Variants in KCNJ12 observed in about 807,000 individuals in gnomAD.
KCNJ12 encodes the protein ATP-sensitive inward rectifier potassium channel 12.
Under a neutral mutation model 22.3 loss-of-function variants are expected in KCNJ12, and 2 were observed. That is an observed-to-expected ratio of 0.09 (90% confidence interval 0.04 to 0.28). The LOEUF (loss-of-function observed/expected upper bound fraction) is 0.28. KCNJ12 is among the 10% of genes least tolerant of loss of function. The pLI is 1.00. For missense variants in KCNJ12, 155 were observed against 633.3 expected, an observed-to-expected ratio of 0.24 and a Z score of 8.11; for synonymous variants, 117 against 261.4, an observed-to-expected ratio of 0.45 and a Z score of 5.33.
rs1597547725 is a variant in KCNJ12 at position 21,376,814 on chromosome 17, A to T, written c.-278A>T. The T allele has an allele frequency of 6.6e-6, 1 of 151,278 alleles. No individual in the cohort carries two copies. The highest frequency in any genetic ancestry group is 2.0e-4 in the East Asian group (1 of 5,110). The allele number at this position is 151,278 out of a possible 1,614,324, so 9.4% of individuals were successfully genotyped here. ...GGAGCTGCCCTGAGGCGGTGGCGGC[A>T]GCGGCGGCGATGCAGCCAGCGCGGC... On this transcript the variant is annotated 5_prime_UTR_variant, in exon 1 of 3. Transcript: ENST00000583088. The surrounding 1 kb of genome is among the most constrained non-coding windows in gnomAD (Gnocchi z 5.3).
intron 1 of KCNJ12, among the ~76,000 whole-genome samples, chr17:21,406,825 C>G (rs1284933179): frequency 1.3e-5 from 2 of 152,310 alleles, no homozygotes; most frequent in African/African-American, 4.8e-5. Flanking sequence ...AAAGGGCAGG[C>G]CCCATGAACT....
Position 21,418,506 on chromosome 17 carries a change from CCTT to C in KCNJ12, c.*1863_*1865del, listed in dbSNP as rs1416541264. ...GCCTCTTCCCTCCACCTCCTCCCCT[CCTT>C]AGCAGCTGAAGACTCAGCCCTGAGG... On this transcript the variant is annotated 3_prime_UTR_variant, in exon 3 of 3. Coordinates refer to ENST00000583088, the MANE Select transcript of KCNJ12 (RefSeq NM_021012.5). 6.0e-6 allele frequency: 1 copy of C among 167,236 alleles called. No homozygotes were observed. The highest frequency in any genetic ancestry group is 1.9e-4 in the East Asian group (1 of 5,204). The allele number at this position is 167,236 out of a possible 1,614,324, so 10.4% of individuals were successfully genotyped here. A position where few individuals can be genotyped will look rare whatever the true frequency, so the allele number is the denominator to read the frequency against.
At chr17:21,399,198 G>A (rs1391706047) in intron 1 of KCNJ12, among the ~76,000 whole-genome samples, 1 of 152,214 alleles carries the variant, frequency 6.6e-6, no homozygotes, top group African/African-American at 2.4e-5. Context: ...CCCAGCGACT[G>A]TGTGCATGCG....
intron 1 of KCNJ12, among the ~76,000 whole-genome samples, chr17:21,381,785 A>G (rs974438377): frequency 8.5e-5 from 13 of 152,134 alleles, no homozygotes; most frequent in African/African-American, 1.9e-4. Flanking sequence ...TTTACTGTCT[A>G]TCTTTCCCTT....
chr17:21,403,020 A>G (rs1444926443), intron 1 of KCNJ12, among the ~76,000 whole-genome samples: 1 of 152,312 alleles, frequency 6.6e-6, no homozygotes, highest in East Asian at 1.9e-4. Context: ...TGCAGTGAGC[A>G]GAAGCCAAGT....
intron 1 of KCNJ12, among the ~76,000 whole-genome samples, chr17:21,396,986 A>G (rs1280409215): frequency 6.6e-6 from 1 of 152,192 alleles, no homozygotes; most frequent in African/African-American, 2.4e-5. Context: ...CCTGGCCTCC[A>G]TTCCTAGCTG....
intron 1 of KCNJ12, among the ~76,000 whole-genome samples, chr17:21,395,849 G>A (rs1232002799): frequency 6.6e-6 from 1 of 152,190 alleles, no homozygotes; most frequent in Non-Finnish European, 1.5e-5. Flanking sequence ...GAGGGGAAGA[G>A]TATTTGGGGT....
intron 1 of KCNJ12, among the ~76,000 whole-genome samples, chr17:21,379,273 C>T (rs1296019900): frequency 5.3e-5 from 8 of 152,206 alleles, no homozygotes; most frequent in Non-Finnish European, 7.3e-5. Flanking sequence ...GCGTGGCACC[C>T]GGAGGCCTTG....
intron 1 of KCNJ12, among the ~76,000 whole-genome samples, chr17:21,404,821 T>C (rs1555560877): frequency 6.6e-6 from 1 of 152,232 alleles, no homozygotes; most frequent in African/African-American, 2.4e-5. Flanking sequence ...TCAGAAACAT[T>C]CCCTGGTGTT....
chr17:21,383,147 G>C (rs1404722973), intron 1 of KCNJ12, among the ~76,000 whole-genome samples: 2 of 152,250 alleles, frequency 1.3e-5, no homozygotes, highest in Non-Finnish European at 2.9e-5. Context: ...GGGCAGGAGA[G>C]GTCAAGGGGG....
chr17:21,396,288 G>C (rs1298461094), intron 1 of KCNJ12, among the ~76,000 whole-genome samples: 1 of 152,216 alleles, frequency 6.6e-6, no homozygotes, highest in Non-Finnish European at 1.5e-5. Context: ...CTGAGGCTCA[G>C]AGAAGGGCAG....
At chr17:21,413,827 G>C (rs1906521352) in intron 2 of KCNJ12, among the ~76,000 whole-genome samples, 1 of 152,304 alleles carries the variant, frequency 6.6e-6, no homozygotes, top group African/African-American at 2.4e-5. Flanking sequence ...TGTGCAGTAG[G>C]CTGGCCTGGA....
rs148973220 is a variant in KCNJ12, at chr17:21,383,348, G to A, written c.-179+6435G>A. On this transcript the variant is annotated intron_variant, in intron 1 of 2. Coordinates refer to ENST00000583088, the MANE Select transcript of KCNJ12 (RefSeq NM_021012.5). ...CAACCCCGCCCCGACCCTCTGCCTC[G>A]GGGCTCCTGGTTCCGGGCCAAGCCA... Among the ~76,000 whole-genome samples, 113 of 152,202 alleles carry A rather than the reference G, an allele frequency of 7.4e-4. No homozygotes were observed. The East Asian group carries it at 0.013, about 18-fold the overall frequency.
chr17:21,416,746 TTGC>T lies in KCNJ12; in HGVS notation c.*103_*105del, dbSNP rs1906857013. On this transcript the variant is annotated 3_prime_UTR_variant, in exon 3 of 3. Coordinates refer to ENST00000583088, the MANE Select transcript of KCNJ12 (RefSeq NM_021012.5). ...AGCAGAACGGGCCCAGTGCCCTGGG[TTGC>T]AGACTCAGTAGCGTTTTAGTCGTTT... The T allele has an allele frequency of 6.9e-7, 1 of 1,448,374 alleles. No individual in the cohort carries two copies. The highest frequency in any genetic ancestry group is 1.4e-5 in the African/African-American group (1 of 69,588). The allele number at this position is 1,448,374 out of a possible 1,614,324, so 89.7% of individuals were successfully genotyped here. A position where few individuals can be genotyped will look rare whatever the true frequency, so the allele number is the denominator to read the frequency against.
In KCNJ12 at chr17:21,384,524, G is replaced by A. The variant is rs1253574076; in HGVS notation, c.-179+7611G>A. On this transcript the variant is annotated intron_variant, in intron 1 of 2. Coordinates refer to ENST00000583088, the MANE Select transcript of KCNJ12 (RefSeq NM_021012.5). ...AGAGGGTCTGGGGGGCTTCAGAGTC[G>A]CAGCCTGGGGCTTTGGGACCTCTGG... Among the ~76,000 whole-genome samples, 4 of 152,272 alleles carry A rather than the reference G, an allele frequency of 2.6e-5. No individual in the cohort carries two copies. The South Asian group carries it at 8.3e-4, about 32-fold the overall frequency.
Position 21,394,082 on chromosome 17 carries a change from C to T in KCNJ12, c.-178-14437C>T, listed in dbSNP as rs934850635. ...GGCTACCTCCCTTGGCCTCAGTGTACTCATCTGTAAAATTATAATATCTAT... is the reference window on the plus strand; with the variant it reads ...GGCTACCTCCCTTGGCCTCAGTGTATTCATCTGTAAAATTATAATATCTAT... On this transcript the variant is annotated intron_variant, in intron 1 of 2. Transcript: ENST00000583088. Among the ~76,000 whole-genome samples the T allele has an allele frequency of 4.6e-4, 70 of 152,206 alleles. 1 individual carries two copies. The highest frequency in any genetic ancestry group is 4.5e-3 in the Admixed American group (68 of 15,278).
chr17:21,392,230 C>T (rs1293876538), intron 1 of KCNJ12, among the ~76,000 whole-genome samples: 2 of 152,212 alleles, frequency 1.3e-5, no homozygotes, highest in African/African-American at 4.8e-5. Flanking sequence ...GACCACTGGA[C>T]CACTGGACCT....
chr17:21,380,464 G>T (rs933032627), intron 1 of KCNJ12, among the ~76,000 whole-genome samples: 5 of 152,186 alleles, frequency 3.3e-5, no homozygotes, highest in Non-Finnish European at 4.4e-5. Flanking sequence ...ACAGACTCAG[G>T]GGGGCAAGAG....
At chr17:21,406,292 G>T (rs1351359576) in intron 1 of KCNJ12, among the ~76,000 whole-genome samples, 6 of 151,464 alleles carry the variant, frequency 4.0e-5, no homozygotes, top group South Asian at 2.1e-4. Flanking sequence ...GGCTTGCACA[G>T]TGTTGGCCCA....
Sources: allele counts gnomAD v4.1 joint callset (sites outside exome capture counted in the v4.1 genomes callset), GRCh38; gene constraint gnomAD v4.1.1; non-coding constraint Gnocchi (gnomAD v3.1); transcripts MANE v1.5; gene names NCBI Gene and HGNC (gene_info 2026-07-23, HGNC 2026-07-21).